The following CDC42BPG variants were observed in gnomAD, a reference collection of about 807,000 sequenced individuals.
CDC42BPG encodes CDC42 binding protein kinase gamma, also known as serine/threonine-protein kinase MRCK gamma.
A neutral mutation model predicts 192.2 loss-of-function variants in CDC42BPG; 157 were observed. The ratio of observed to expected loss-of-function variants is 0.82; its 90% CI spans 0.72 to 0.93. CDC42BPG has a LOEUF of 0.93. CDC42BPG is among the 40% of genes least tolerant of loss of function. CDC42BPG has a pLI of 0.00. For missense variants in CDC42BPG, 1,992 were observed against 2,122.1 expected (o/e 0.94, Z 1.20); for synonymous variants, 981 against 918.5 (o/e 1.07, Z -1.23).
chr11:64,826,442 G>C, intron 36 of CDC42BPG, 28 bp downstream of exon 36: 1 of 1,516,254 alleles, frequency 6.6e-7, no homozygotes, highest in Middle Eastern at 1.7e-4. Flanking sequence ...TTGAATAGGG[G>C]ACGGACAAGC....
chr11:64,824,252 A>T lies in CDC42BPG; in HGVS notation c.*221T>A. The T allele has an allele frequency of 1.6e-6, 1 of 616,978 alleles. No individual in the cohort carries two copies. The allele number at this position is 616,978 out of a possible 1,614,324, so 38.2% of individuals were successfully genotyped here. On this transcript the variant is annotated 3_prime_UTR_variant, in exon 37 of 37. Transcript: ENST00000342711. ...CCATTCTATTCCCAATGGCTTAGAA[A>T]GGCTGGGGCTGGGAACAGAGGGGTA...
At chr11:64,830,329 C>A in intron 28 of CDC42BPG, 73 bp from the exon 29 acceptor site, 1 of 1,228,202 alleles carries the variant, frequency 8.1e-7, no homozygotes, top group Non-Finnish European at 1.2e-6. Flanking sequence ...AGTCCACCTG[C>A]CCTGCTGTGC....
chr11:64,842,116 C>T (rs1386769118), intron 1 of CDC42BPG, among the ~76,000 whole-genome samples: 1 of 152,178 alleles, frequency 6.6e-6, no homozygotes, highest in Non-Finnish European at 1.5e-5. Flanking sequence ...CTCAGCTGAC[C>T]GCCTGGTCCC....
At chr11:64,836,338 A>C (rs1463625898) in intron 12 of CDC42BPG, 42 bp from the exon 13 acceptor site, 11 of 1,607,840 alleles carry the variant, frequency 6.8e-6, no homozygotes, top group Non-Finnish European at 9.3e-6. Context: ...CAAGGCCCAG[A>C]GTCAGGCACG....
In CDC42BPG at chr11:64,834,430, G is replaced by T; in HGVS notation, c.2323C>A (p.Arg775Ser). ...CCCAGTGCCTGCCCCTAGCCTCACC[G>T]CTCAGCCTGCAGCTGGGCCTCCTGC... Reference protein sequence around the residue: ...QVQEAQLQAERRLQEAEKQSQ... With the variant: ...QVQEAQLQAESRLQEAEKQSQ... Residue 775 changes from arginine (R) to serine (S), a missense_variant and splice_region_variant, in exon 19 of 37, where the codon CGC becomes AGC. Physicochemically the swap from Arg to Ser is moderately radical, Grantham distance 110. Transcript: ENST00000342711. The T allele has an allele frequency of 6.4e-7, 1 of 1,563,614 alleles. No individual in the cohort carries two copies. Among genetic ancestry groups the T allele is most frequent in the African/African-American group, 1.4e-5 (1 of 73,962 alleles).
chr11:64,825,262 A>G (rs1305033729), intron 36 of CDC42BPG, among the ~76,000 whole-genome samples: 2 of 152,148 alleles, frequency 1.3e-5, no homozygotes, highest in Non-Finnish European at 2.9e-5. Context: ...TCAGTCGACC[A>G]CATGCTTTAC....
At chr11:64,842,105 G>T (rs1346576657) in intron 1 of CDC42BPG, among the ~76,000 whole-genome samples, 1 of 152,192 alleles carries the variant, frequency 6.6e-6, no homozygotes, top group African/African-American at 2.4e-5. Context: ...CAGAGGCCGG[G>T]CTCAGCTGAC....
Position 64,827,544 on chromosome 11 carries a change from A to C in CDC42BPG, c.4133T>G (p.Leu1378Arg), listed in dbSNP as rs1942489837. The change falls in exon 32 of 37, where the codon CTC becomes CGC. Residue 1378 changes from leucine to arginine, a missense_variant. Transcript: ENST00000342711. ...TCCCTCACCTGCCAGCTGGTTCCTG[A>C]GGTAGGTCAGGCGGACCTTCTCGGT... Reference protein sequence around the residue: ...YGTEKVRLTYLRNQLAEKDEF... With the variant: ...YGTEKVRLTYRRNQLAEKDEF... 2.5e-6 allele frequency: 4 copies of C among 1,612,166 alleles called. No individual in the cohort carries two copies. The highest frequency in any genetic ancestry group is 1.7e-5 in the Admixed American group (1 of 59,904).
In CDC42BPG at chr11:64,826,783, C is replaced by T. The variant is rs776034595; in HGVS notation, c.4401G>A (p.Glu1467=). The part of the protein sequence containing the change: ...GARDKSPAPE[E]KGRVARGSGP... ...CGGAGCCGCGGGCAACTCGGCCCTT[C>T]TCTTCGGGAGCCTGTTGGGTGACAG... is the stretch of plus-strand genomic sequence containing the variant. The change falls in exon 35 of 37, where the codon GAG becomes GAA. Residue 1467 remains glutamate, a synonymous_variant. Transcript: ENST00000342711. The T allele has an allele frequency of 6.6e-7, 1 of 1,506,448 alleles. No individual in the cohort carries two copies. The highest frequency in any genetic ancestry group is 8.9e-7 in the Non-Finnish European group (1 of 1,129,702). 93.3% of individuals were successfully genotyped at this position (1,506,448 alleles called of 1,614,324 possible).
At chr11:64,829,444 C>T (rs10897529) in intron 30 of CDC42BPG, 27 bp downstream of exon 30, 949,146 of 1,598,796 alleles carry the variant, frequency 0.59, 296,283 homozygotes, top group Non-Finnish European at 0.65. Flanking sequence ...TGCCTGGCCC[C>T]CCTGCCAAGC....
Position 64,834,836 on chromosome 11 carries a change from C to A in CDC42BPG, c.2175+13G>T, listed in dbSNP as rs777939907. 16 of 1,609,772 alleles carry A rather than the reference C, an allele frequency of 9.9e-6. No individual in the cohort carries two copies. The African/African-American group carries it at 1.9e-4, about 19-fold the overall frequency. On this transcript the variant is annotated intron_variant, in intron 18 of 36. Coordinates refer to ENST00000342711, the MANE Select transcript of CDC42BPG (RefSeq NM_017525.3). ...TGCCCAAGCCAGCCCCCAGGGGCAT[C>A]TCTGGGGCTCACCAGTGGCCGGGCA...
In CDC42BPG at chr11:64,833,919, C is replaced by T. The variant is rs1942839668; in HGVS notation, c.2466+6G>A. 6.2e-7 allele frequency: 1 copy of T among 1,614,216 alleles called. No homozygotes were observed. Among genetic ancestry groups the T allele is most frequent in the Admixed American group, 1.7e-5 (1 of 60,028 alleles). The stretch of plus-strand genomic sequence containing the variant: ...TCCCCAACAAGCCCCTTGGCCTGGT[C>T]CTTACCTCTGAGCTCCGGAAGGACA... On this transcript the variant is annotated splice_donor_region_variant and intron_variant, in intron 21 of 36. Coordinates refer to ENST00000342711, the MANE Select transcript of CDC42BPG (RefSeq NM_017525.3).
At chr11:64,838,021 C>T (rs1395662414) in intron 9 of CDC42BPG, 62 bp downstream of exon 9, 2 of 1,416,244 alleles carry the variant, frequency 1.4e-6, no homozygotes, top group Non-Finnish European at 1.9e-6. Context: ...GGCTACGCGC[C>T]CAGTGTCCTC....
chr11:64,838,604 C>T (rs1031138443), intron 8 of CDC42BPG, 50 bp downstream of exon 8: 1 of 1,600,410 alleles, frequency 6.2e-7, no homozygotes. Flanking sequence ...TTCCCCCAGC[C>T]AACAAGGGGG....
rs1286260649 is a variant in CDC42BPG at position 64,836,923 on chromosome 11, T to G, written c.1302A>C (p.Gln434His). 6 of 1,613,148 alleles carry G rather than the reference T, an allele frequency of 3.7e-6. No homozygotes were observed. The highest frequency in any genetic ancestry group is 5.1e-6 in the Non-Finnish European group (6 of 1,179,744). Reference protein sequence around the residue: ...QEKVELSRKHQEALHAPTDHR... With the variant: ...QEKVELSRKHHEALHAPTDHR... ...GCCCGGCCCAGCCGCTCCCAGTACC[T>G]TGGTGCTTCCTGCTCAGCTCCACCT... Residue 434 changes from glutamine to histidine, a missense_variant and splice_region_variant, in exon 10 of 37, where the codon CAA (glutamine) becomes CAC (histidine). Around this residue, in one of 2 missense-constraint regions of CDC42BPG, gnomAD observed 1,656 missense variants for 1,844.3 expected, o/e 0.90. Transcript: ENST00000342711.
At chr11:64,840,721 G>C (rs1943243721) in intron 3 of CDC42BPG, 73 bp from the exon 4 acceptor site, 1 of 1,297,996 alleles carries the variant, frequency 7.7e-7, no homozygotes, top group South Asian at 1.2e-5. Flanking sequence ...CAGCTCAGGG[G>C]ATGGAGAAAG....
At chr11:64,835,987 C>T in intron 13 of CDC42BPG, 130 bp downstream of exon 13, 1 of 1,322,808 alleles carries the variant, frequency 7.6e-7, no homozygotes, top group Non-Finnish European at 1.0e-6. Context: ...CCGTCCCAGC[C>T]ACCATCCCCT....
Position 64,844,645 on chromosome 11 carries a change from C to A in CDC42BPG, c.-76G>T, listed in dbSNP as rs945486403. The stretch of plus-strand genomic sequence containing the variant: ...CCGCCTGTCGGGCCGTCCGTCCGCC[C>A]AACCGTCTGAGGCTCTGTCCGCGCG... On this transcript the variant is annotated 5_prime_UTR_variant, in exon 1 of 37. Coordinates refer to ENST00000342711, the MANE Select transcript of CDC42BPG (RefSeq NM_017525.3). The A allele has an allele frequency of 1.6e-5, 19 of 1,158,146 alleles. No homozygotes were observed. The highest frequency in any genetic ancestry group is 2.1e-5 in the Non-Finnish European group (19 of 922,540). 71.7% of individuals were successfully genotyped at this position (1,158,146 alleles called of 1,614,324 possible).
In CDC42BPG at chr11:64,829,486, C is replaced by A; in HGVS notation, c.3952G>T (p.Ala1318Ser). Reference protein sequence around the residue: ...SRGHELLWPAAPMGWGYAAPY... With the variant: ...SRGHELLWPASPMGWGYAAPY... ...CAGGCCTTACCCCAGCCCATGGGCG[C>A]TGCTGGCCACAACAGCTCGTGGCCA... The change falls in exon 30 of 37, where the codon GCG becomes TCG. Residue 1318 changes from alanine (A) to serine (S), a missense_variant. Coordinates refer to ENST00000342711, the MANE Select transcript of CDC42BPG (RefSeq NM_017525.3). 6.2e-7 allele frequency: 1 copy of A among 1,612,848 alleles called. No homozygotes were observed. Among genetic ancestry groups the A allele is most frequent in the Non-Finnish European group, 8.5e-7 (1 of 1,179,906 alleles).
Sources: gnomAD v4.1 joint callset for allele counts (sites outside exome capture counted in the v4.1 genomes callset) on GRCh38, gnomAD v4.1.1 for gene constraint, gnomAD v4.1.1 regional missense constraint, MANE v1.5 for transcripts, NCBI Gene and HGNC (gene_info 2026-07-23, HGNC 2026-07-21) for gene names.